Variants in PLCE1 observed in about 807,000 individuals in gnomAD.
PLCE1 encodes the protein 1-phosphatidylinositol 4,5-bisphosphate phosphodiesterase epsilon-1.
PLCE1 carries 119 observed loss-of-function variants against 242.8 expected under a neutral mutation model. The ratio of observed to expected loss-of-function variants is 0.49; its 90% CI spans 0.42 to 0.57. PLCE1 has a LOEUF of 0.57. Ranked by LOEUF, PLCE1 falls within the 20% of genes least tolerant of loss-of-function variation. The probability of loss-of-function intolerance (pLI) is 0.00; values close to 1 mark genes in which losing one functional copy is unlikely to be tolerated. For synonymous variants in PLCE1, 945 were observed against 1,017.4 expected (o/e 0.93, Z 1.35); for missense variants, 2,441 against 2,788.8 (o/e 0.88, Z 2.81).
In PLCE1 at chr10:94,236,074, G is replaced by A. The variant is rs1346509519; in HGVS notation, c.2374G>A (p.Gly792Arg). 4 of 1,613,898 alleles carry A rather than the reference G, an allele frequency of 2.5e-6. No individual in the cohort carries two copies. The African/African-American group carries it at 5.3e-5, about 22-fold the overall frequency. The change falls in exon 7 of 33, where the codon GGA (glycine) becomes AGA (arginine). Residue 792 changes from glycine (G) to arginine (R), a missense_variant. Gly to Arg is a moderately radical substitution (Grantham distance 125). Coordinates refer to ENST00000371380, the MANE Select transcript of PLCE1 (RefSeq NM_016341.4). ...ETDEEDSPSE[G>R]NSSRKSSLKD... The stretch of plus-strand genomic sequence containing the variant: ...AGACGAGGAGGACAGCCCCAGTGAA[G>A]GAAACAGCTCCAGGAAAAGCTCCTT...
At chr10:94,143,455 A>T (rs2047028903) in intron 3 of PLCE1, among the ~76,000 whole-genome samples, 1 of 152,226 alleles carries the variant, frequency 6.6e-6, no homozygotes, top group African/African-American at 2.4e-5. Flanking sequence ...GTTTTTAAAG[A>T]GTAAGCCTCA....
At chr10:94,272,599 T>C (rs1032225499) in intron 18 of PLCE1, among the ~76,000 whole-genome samples, 1 of 152,128 alleles carries the variant, frequency 6.6e-6, no homozygotes, top group Non-Finnish European at 1.5e-5. Flanking sequence ...GCATAAGAAA[T>C]TAAAAAGTAT....
chr10:94,009,188 G>A (rs966299040), intron 1 of PLCE1, among the ~76,000 whole-genome samples: 1 of 152,162 alleles, frequency 6.6e-6, no homozygotes, highest in African/African-American at 2.4e-5. Context: ...TTACAATTAT[G>A]GTGGAAGGCA....
intron 3 of PLCE1, among the ~76,000 whole-genome samples, chr10:94,161,974 G>A (rs1383669695): frequency 5.3e-4 from 80 of 152,230 alleles, no homozygotes; most frequent in South Asian, 8.3e-4. Flanking sequence ...ATTTGCATAT[G>A]TTGAACCAGC....
At chr10:94,149,288 C>T (rs1250993598) in intron 3 of PLCE1, among the ~76,000 whole-genome samples, 1 of 152,202 alleles carries the variant, frequency 6.6e-6, no homozygotes. Flanking sequence ...GGTCAGTTCA[C>T]AGAGGCTACT....
At position 94,089,173 on chromosome 10, in the gene PLCE1, A is replaced by G. The variant is rs751848032; in HGVS notation, c.1207-43001A>G. On this transcript the variant is annotated intron_variant, in intron 2 of 32. Coordinates refer to ENST00000371380, the MANE Select transcript of PLCE1 (RefSeq NM_016341.4). ...GAGGCAGCTCCACGTGAGATTCTGC[A>G]AAGGGATTAAGATTTGGCACCAGGC... 3 of 1,614,032 alleles carry G rather than the reference A, an allele frequency of 1.9e-6. No homozygotes were observed. The South Asian group carries it at 3.3e-5, about 18-fold the overall frequency.
chr10:94,179,198 G>A (rs1250321876), intron 4 of PLCE1, among the ~76,000 whole-genome samples: 4 of 152,122 alleles, frequency 2.6e-5, no homozygotes, highest in Admixed American at 2.6e-4. Context: ...AATACAGTAG[G>A]CAAATAAACT....
chr10:94,274,014 G>A (rs1177515664), intron 19 of PLCE1, among the ~76,000 whole-genome samples: 2 of 152,198 alleles, frequency 1.3e-5, no homozygotes, highest in Non-Finnish European at 2.9e-5. Context: ...AGCTTAGGGG[G>A]TTGTTCATCC....
chr10:94,202,308 C>G (rs2049010524), intron 4 of PLCE1, among the ~76,000 whole-genome samples: 1 of 152,006 alleles, frequency 6.6e-6, no homozygotes, highest in South Asian at 2.1e-4. Context: ...CCCTCTACCC[C>G]ACCCCCACCA....
At position 94,293,571 on chromosome 10, in the gene PLCE1, T is replaced by C. The variant is rs886047505; in HGVS notation, c.5099T>C (p.Ile1700Thr). ...RGKERKSRKSIFGNNPGRMSP... is the reference protein window; with the variant it reads ...RGKERKSRKSTFGNNPGRMSP... ...AAAGAAAGGAAAAGCAGGAAGTCCA[T>C]TTTTGGCAACAATCCGGGCAGAATG... The change falls in exon 23 of 33, where the codon ATT becomes ACT. Residue 1700 changes from isoleucine to threonine, a missense_variant. Physicochemically the swap from Ile to Thr is moderately conservative, Grantham distance 89. Transcript: ENST00000371380. 1 of 1,613,844 alleles carries C rather than the reference T, an allele frequency of 6.2e-7. No homozygotes were observed. The highest frequency in any genetic ancestry group is 1.7e-5 in the Admixed American group (1 of 60,018).
chr10:94,316,454 T>C (rs2053576436), intron 28 of PLCE1, 93 bp from the exon 29 acceptor site: 3 of 790,762 alleles, frequency 3.8e-6, no homozygotes, highest in Admixed American at 1.9e-5. Flanking sequence ...ATTTCACTTA[T>C]AAATTGCATA....
At chr10:94,047,978 A>C (rs1044512936) in intron 2 of PLCE1, among the ~76,000 whole-genome samples, 2 of 152,178 alleles carry the variant, frequency 1.3e-5, no homozygotes, top group African/African-American at 4.8e-5. Flanking sequence ...GTCAAAAAAA[A>C]CTTCAGATTT....
intron 1 of PLCE1, among the ~76,000 whole-genome samples, chr10:94,027,091 T>C (rs2061464073): frequency 6.6e-6 from 1 of 152,154 alleles, no homozygotes; most frequent in African/African-American, 2.4e-5. Context: ...ACTGCCCATA[T>C]TTGCTCTTCC....
intron 2 of PLCE1, among the ~76,000 whole-genome samples, chr10:94,065,143 C>T (rs2044163437): frequency 6.6e-6 from 1 of 152,096 alleles, no homozygotes. Flanking sequence ...TTTTATTTCC[C>T]ACCCCAGCTT....
intron 2 of PLCE1, among the ~76,000 whole-genome samples, chr10:94,043,071 G>A (rs539482828): frequency 5.3e-5 from 8 of 152,124 alleles, no homozygotes; most frequent in Non-Finnish European, 1.0e-4. Context: ...GTTGTGAGGC[G>A]GTAGGAAAAA....
At chr10:94,059,498 GGT>G (rs760102420) in intron 2 of PLCE1, among the ~76,000 whole-genome samples, 1 of 151,926 alleles carries the variant, frequency 6.6e-6, no homozygotes, top group Non-Finnish European at 1.5e-5. Context: ...ACGGGGAGGG[GGT>G]GTGTGTGCAG....
chr10:94,260,347 A>G (rs886169121), intron 13 of PLCE1, among the ~76,000 whole-genome samples: 2 of 152,226 alleles, frequency 1.3e-5, no homozygotes, highest in East Asian at 3.9e-4. Flanking sequence ...CACCATTACT[A>G]TCACCACCCA....
At chr10:94,293,196 GGCCACA>G (rs781754863) in intron 22 of PLCE1, among the ~76,000 whole-genome samples, 6 of 152,140 alleles carry the variant, frequency 3.9e-5, no homozygotes, top group Non-Finnish European at 7.3e-5. Flanking sequence ...GATCATTTCT[GGCCACA>G]GCACCTTCTT....
chr10:94,283,863 C>A lies in PLCE1; in HGVS notation c.4869C>A (p.Ile1623=), dbSNP rs1386716344. 2 of 1,612,022 alleles carry A rather than the reference C, an allele frequency of 1.2e-6. No individual in the cohort carries two copies. Among genetic ancestry groups the A allele is most frequent in the East Asian group, 2.2e-5 (1 of 44,820 alleles). Residue 1623 remains isoleucine, a synonymous_variant, in exon 21 of 33, where the codon ATC becomes ATA. Transcript: ENST00000371380. Reference sequence around the variant, plus strand: ...TTCAGTTTGAATATAATGAAGAAATCCCAAAGAGGATAAAGAAAGCAGATA... The same window carrying A: ...TTCAGTTTGAATATAATGAAGAAATACCAAAGAGGATAAAGAAAGCAGATA... ...DKLQFEYNEE[I]PKRIKKADNS... is the part of the protein sequence containing the mutation.
Sources: gnomAD v4.1 joint callset for allele counts (sites outside exome capture counted in the v4.1 genomes callset) on GRCh38, gnomAD v4.1.1 for gene constraint, MANE v1.5 for transcripts, NCBI Gene and HGNC (gene_info 2026-07-23, HGNC 2026-07-21) for gene names.